Variants in TNFSF4 observed in about 807,000 individuals in gnomAD.
TNFSF4 encodes the protein tumor necrosis factor ligand superfamily member 4.
Under a neutral mutation model 7.3 loss-of-function variants are expected in TNFSF4, and 4 were observed. The ratio of observed to expected loss-of-function variants is 0.55; its 90% CI spans 0.27 to 1.25. The LOEUF (loss-of-function observed/expected upper bound fraction) is 1.25. Among genes scored for constraint, TNFSF4 ranks in the 50% most tolerant of loss-of-function variants. The probability of loss-of-function intolerance (pLI) is 0.12; values close to 1 mark genes in which losing one functional copy is unlikely to be tolerated. For synonymous variants in TNFSF4, 76 were observed against 83.7 expected (o/e 0.91, Z 0.50); for missense variants, 181 against 208.8 (o/e 0.87, Z 0.82).
the TNFSF4 span, among the ~76,000 whole-genome samples, chr1:173,388,136 C>A: frequency 6.6e-6 from 1 of 152,176 alleles, no homozygotes; most frequent in East Asian, 1.9e-4. Flanking sequence ...ATATAGTAAG[C>A]ACTCAATAAA....
the TNFSF4 span, among the ~76,000 whole-genome samples, chr1:173,273,370 G>A: frequency 6.6e-6 from 1 of 152,208 alleles, no homozygotes; most frequent in East Asian, 1.9e-4. Context: ...AGTGCCTCAA[G>A]CTAGATCTTG....
the TNFSF4 span, among the ~76,000 whole-genome samples, chr1:173,429,033 G>T: frequency 2.6e-5 from 4 of 151,704 alleles, no homozygotes; most frequent in East Asian, 1.9e-4. Context: ...AAGAAAGAAA[G>T]AAATAACATA....
upstream of TNFSF4, among the ~76,000 whole-genome samples, chr1:173,208,906 T>A (rs940185929): frequency 6.7e-6 from 1 of 149,490 alleles, no homozygotes. Context: ...GAAAAAGTAG[T>A]AAAAACTATT....
At chr1:173,346,034 T>C in the TNFSF4 span, among the ~76,000 whole-genome samples, 2 of 152,072 alleles carry the variant, frequency 1.3e-5, no homozygotes, top group Non-Finnish European at 2.9e-5. Flanking sequence ...TGAGAGGGAA[T>C]GGGTGGGACT....
At chr1:173,289,720 T>A in the TNFSF4 span, among the ~76,000 whole-genome samples, 6 of 151,978 alleles carry the variant, frequency 3.9e-5, no homozygotes, top group Admixed American at 1.3e-4. Flanking sequence ...ATTCAACAAC[T>A]GAAAAATGCA....
chr1:173,378,652 A>G, the TNFSF4 span, among the ~76,000 whole-genome samples: 2 of 152,282 alleles, frequency 1.3e-5, no homozygotes, highest in African/African-American at 2.4e-5. Context: ...TAAGAGGGAA[A>G]GCAAATGGAG....
chr1:173,373,777 G>T, the TNFSF4 span, among the ~76,000 whole-genome samples: 12 of 152,238 alleles, frequency 7.9e-5, no homozygotes, highest in Admixed American at 3.9e-4. Flanking sequence ...TTGTTGGTCT[G>T]TGCTGACACC....
chr1:173,175,862 C>A, the TNFSF4 span, among the ~76,000 whole-genome samples: 1 of 152,146 alleles, frequency 6.6e-6, no homozygotes, highest in Non-Finnish European at 1.5e-5. Flanking sequence ...CTTTTGTTGG[C>A]GCATACATGA....
the TNFSF4 span, among the ~76,000 whole-genome samples, chr1:173,368,709 G>C: frequency 6.6e-6 from 1 of 152,140 alleles, no homozygotes; most frequent in Admixed American, 6.5e-5. Flanking sequence ...CCGACAACAA[G>C]TTGGTTGACC....
At chr1:173,262,598 CTT>C in the TNFSF4 span, among the ~76,000 whole-genome samples, 8,354 of 104,300 alleles carry the variant, frequency 0.08, 135 homozygotes, top group Middle Eastern at 0.14. Context: ...CCAAAAGATT[CTT>C]TTTTTTTTTT....
the TNFSF4 span, among the ~76,000 whole-genome samples, chr1:173,213,415 T>C: frequency 2.0e-5 from 3 of 152,216 alleles, no homozygotes; most frequent in Non-Finnish European, 4.4e-5. Flanking sequence ...GTACCCATGA[T>C]GTGCCACACC....
chr1:173,387,965 T>C, the TNFSF4 span, among the ~76,000 whole-genome samples: 4 of 152,196 alleles, frequency 2.6e-5, no homozygotes, highest in Admixed American at 2.6e-4. Context: ...GAGTTGGACA[T>C]TCTGAGATTC....
the TNFSF4 span, among the ~76,000 whole-genome samples, chr1:173,395,423 G>C: frequency 1.1e-5 from 1 of 89,174 alleles, no homozygotes; most frequent in Non-Finnish European, 2.3e-5. Context: ...TATATATGGA[G>C]AGAGAGAGAG....
the TNFSF4 span, chr1:173,351,897 C>T: frequency 1.7e-6 from 1 of 575,316 alleles, no homozygotes; most frequent in Non-Finnish European, 3.2e-6. Flanking sequence ...TATCACTAGG[C>T]TAAAACTGGA....
At chr1:173,416,600 T>TTTTTA in the TNFSF4 span, among the ~76,000 whole-genome samples, 1 of 36,862 alleles carries the variant, frequency 2.7e-5, no homozygotes, top group African/African-American at 7.3e-5. Flanking sequence ...TAAATGTTAT[T>TTTTTA]TTTTTATTTT....
intron 1 of TNFSF4, among the ~76,000 whole-genome samples, chr1:173,191,673 A>C (rs1649484479): frequency 6.6e-6 from 1 of 152,244 alleles, no homozygotes. Flanking sequence ...CACAAAGAGC[A>C]TAGACTTTGG....
intron 1 of TNFSF4, among the ~76,000 whole-genome samples, chr1:173,196,644 T>C (rs552890850): frequency 1.6e-4 from 25 of 152,330 alleles, no homozygotes; most frequent in Middle Eastern, 6.8e-3. Context: ...ACTGACAGAT[T>C]CCCAAGAGAA....
chr1:173,281,511 C>T, the TNFSF4 span, among the ~76,000 whole-genome samples: 5 of 152,114 alleles, frequency 3.3e-5, no homozygotes, highest in Non-Finnish European at 2.9e-5. Context: ...TGAATAAGCA[C>T]TAATGTATGA....
the TNFSF4 span, among the ~76,000 whole-genome samples, chr1:173,413,466 A>C: frequency 6.6e-6 from 1 of 152,316 alleles, no homozygotes; most frequent in African/African-American, 2.4e-5. Context: ...TCCCACTCTC[A>C]GTGCTGAAAA....
Sources: allele counts gnomAD v4.1 joint callset (sites outside exome capture counted in the v4.1 genomes callset), GRCh38; gene constraint gnomAD v4.1.1; transcripts MANE v1.5; gene names NCBI Gene and HGNC (gene_info 2026-07-23, HGNC 2026-07-21).